The following LRRD1 variants were observed in gnomAD, a reference collection of about 807,000 sequenced individuals.
LRRD1 encodes leucine rich repeats and death domain containing 1.
LRRD1 carries 49 observed loss-of-function variants against 69.5 expected under a neutral mutation model. The observed-to-expected ratio is 0.70, with a 90% CI of 0.56 to 0.89. LRRD1 has a LOEUF of 0.89. Among genes scored for constraint, LRRD1 ranks in the 40% least tolerant of loss-of-function variants. The pLI is 0.00. For missense variants in LRRD1, 853 were observed against 956.0 expected (o/e 0.89, Z 1.42); for synonymous variants, 303 against 338.9 (o/e 0.89, Z 1.16).
chr7:92,163,657 C>G lies in LRRD1; in HGVS notation c.1546G>C (p.Glu516Gln), dbSNP rs1563192414. Residue 516 changes from glutamate (E) to glutamine (Q), a missense_variant, in exon 2 of 6, where the codon GAA becomes CAA. Physicochemically the swap from Glu to Gln is conservative, Grantham distance 29. Transcript: ENST00000458448. ...ISFSKQLLHL[E>Q]LSENKLLIFS... ...ATGAGGAGTTTGTTTTCACTCAATT[C>G]TAAATGAAGCAGTTGTTTACTGAAA... is the stretch of plus-strand genomic sequence containing the variant. 1 of 1,503,310 alleles carries G rather than the reference C, an allele frequency of 6.7e-7. No homozygotes were observed. Among genetic ancestry groups the G allele is most frequent in the Middle Eastern group, 1.7e-4 (1 of 5,754 alleles). 93.1% of individuals were successfully genotyped at this position (1,503,310 alleles called of 1,614,324 possible).
chr7:92,142,588 G>GA, downstream of LRRD1: 1 of 452,740 alleles, frequency 2.2e-6, no homozygotes, highest in South Asian at 1.6e-5. Context: ...CTTCAAGTAT[G>GA]AAGCCGACCC....
intron 2 of LRRD1, among the ~76,000 whole-genome samples, chr7:92,162,091 G>T (rs1403348121): frequency 6.6e-6 from 1 of 152,162 alleles, no homozygotes; most frequent in Non-Finnish European, 1.5e-5. Flanking sequence ...TATAAAAATT[G>T]TCTGTTAGTG....
intron 3 of LRRD1, among the ~76,000 whole-genome samples, chr7:92,155,809 G>T (rs1158183688): frequency 6.6e-6 from 1 of 152,202 alleles, no homozygotes; most frequent in African/African-American, 2.4e-5. Flanking sequence ...GCAAACCAGT[G>T]GTGTAAGTCC....
At chr7:92,167,909 T>A (rs111443977) in intron 1 of LRRD1, among the ~76,000 whole-genome samples, 3,225 of 70,442 alleles carry the variant, frequency 0.046, 84 homozygotes, top group African/African-American at 0.087. Context: ...AAAAAAAAAA[T>A]AAGTTATTCT....
intron 3 of LRRD1, among the ~76,000 whole-genome samples, chr7:92,153,017 T>C: frequency 6.6e-6 from 1 of 152,004 alleles, no homozygotes; most frequent in East Asian, 1.9e-4. Flanking sequence ...TTAATTTGCA[T>C]TTCTCTAATA....
At chr7:92,172,927 C>T (rs1789088045) in intron 1 of LRRD1, among the ~76,000 whole-genome samples, 1 of 152,116 alleles carries the variant, frequency 6.6e-6, no homozygotes, top group Admixed American at 6.5e-5. Flanking sequence ...AGGCATCATC[C>T]TTCCTGACTC....
In LRRD1 at chr7:92,144,881, C is replaced by T. The variant is rs1477656819; in HGVS notation, c.*7G>A. 1 of 1,445,148 alleles carries T rather than the reference C, an allele frequency of 6.9e-7. No individual in the cohort carries two copies. The highest frequency in any genetic ancestry group is 9.2e-7 in the Non-Finnish European group (1 of 1,083,718). 89.5% of individuals were successfully genotyped at this position (1,445,148 alleles called of 1,614,324 possible). A position where few individuals can be genotyped will look rare whatever the true frequency, so the allele number is the denominator to read the frequency against. ...AAAGTTTTCAGTTTTTATTATTGAT[C>T]CACTGGTTAGAATTTAATTGCACGC... On this transcript the variant is annotated 3_prime_UTR_variant, in exon 6 of 6. Coordinates refer to ENST00000458448, the MANE Select transcript of LRRD1 (RefSeq NM_001161528.2).
intron 1 of LRRD1, among the ~76,000 whole-genome samples, chr7:92,173,141 T>C (rs554475853): frequency 6.6e-6 from 1 of 152,166 alleles, no homozygotes; most frequent in Non-Finnish European, 1.5e-5. Context: ...TGGATAACCA[T>C]ATGCAGAGGA....
chr7:92,151,053 A>G (rs1055272866), intron 3 of LRRD1, among the ~76,000 whole-genome samples: 1 of 152,216 alleles, frequency 6.6e-6, no homozygotes, highest in African/African-American at 2.4e-5. Flanking sequence ...TGCATTCCTC[A>G]TCTAGCTTTA....
chr7:92,172,314 T>C (rs554722164), intron 1 of LRRD1, among the ~76,000 whole-genome samples: 1 of 152,264 alleles, frequency 6.6e-6, no homozygotes, highest in African/African-American at 2.4e-5. Flanking sequence ...ACCACTCTTA[T>C]TCAACATAAT....
intron 1 of LRRD1, among the ~76,000 whole-genome samples, chr7:92,166,457 A>G (rs1440130667): frequency 1.3e-5 from 2 of 152,236 alleles, no homozygotes; most frequent in African/African-American, 2.4e-5. Context: ...ACTAACCTCA[A>G]TGTCAACAAG....
At position 92,165,279 on chromosome 7, in the gene LRRD1, A is replaced by G; in HGVS notation, c.-74-3T>C. On this transcript the variant is annotated splice_polypyrimidine_tract_variant and splice_region_variant and intron_variant, in intron 1 of 5. Coordinates refer to ENST00000458448, the MANE Select transcript of LRRD1 (RefSeq NM_001161528.2). ...TTTTCATGTTTTTTCCTTTGAATCT[A>G]CAAAACAAATGTTGAAATTAAAAGA... 7 of 818,756 alleles carry G rather than the reference A, an allele frequency of 8.5e-6. No individual in the cohort carries two copies. The highest frequency in any genetic ancestry group is 1.2e-5 in the Non-Finnish European group (7 of 576,314). The allele number at this position is 818,756 out of a possible 1,614,324, so 50.7% of individuals were successfully genotyped here. A position where few individuals can be genotyped will look rare whatever the true frequency, so the allele number is the denominator to read the frequency against.
intron 2 of LRRD1, among the ~76,000 whole-genome samples, chr7:92,160,768 G>C (rs972616423): frequency 6.6e-6 from 1 of 152,084 alleles, no homozygotes; most frequent in African/African-American, 2.4e-5. Context: ...AGCTGAGATC[G>C]CACCACTGTC....
chr7:92,143,343 G>A (rs1366985801), downstream of LRRD1, among the ~76,000 whole-genome samples: 1 of 152,196 alleles, frequency 6.6e-6, no homozygotes, highest in African/African-American at 2.4e-5. Flanking sequence ...AGGTAGAGCT[G>A]CCTGTCAATC....
At chr7:92,168,069 T>C (rs1432610283) in intron 1 of LRRD1, among the ~76,000 whole-genome samples, 3 of 151,946 alleles carry the variant, frequency 2.0e-5, no homozygotes, top group Non-Finnish European at 4.4e-5. Context: ...GCCACGATTA[T>C]TACCAGCAAT....
At chr7:92,169,978 G>A (rs1189619822) in intron 1 of LRRD1, among the ~76,000 whole-genome samples, 1 of 151,976 alleles carries the variant, frequency 6.6e-6, no homozygotes, top group African/African-American at 2.4e-5. Flanking sequence ...GCTGAGGTGG[G>A]AGAATCACTT....
intron 1 of LRRD1, among the ~76,000 whole-genome samples, chr7:92,175,792 G>T (rs982152444): frequency 1.3e-5 from 2 of 152,218 alleles, no homozygotes; most frequent in Non-Finnish European, 2.9e-5. Flanking sequence ...ATGATTTTGT[G>T]TATGCTGTGA....
chr7:92,153,022 C>T (rs1278924408), intron 3 of LRRD1, among the ~76,000 whole-genome samples: 2 of 151,912 alleles, frequency 1.3e-5, no homozygotes, highest in African/African-American at 2.4e-5. Flanking sequence ...TTGCATTTCT[C>T]TAATATGACT....
At chr7:92,170,140 G>A (rs1465613837) in intron 1 of LRRD1, among the ~76,000 whole-genome samples, 1 of 148,650 alleles carries the variant, frequency 6.7e-6, no homozygotes, top group Non-Finnish European at 1.5e-5. Flanking sequence ...GAGGAAGGAA[G>A]GACGGAAGGA....
Sources: gnomAD v4.1 joint callset for allele counts (sites outside exome capture counted in the v4.1 genomes callset) on GRCh38, gnomAD v4.1.1 for gene constraint, MANE v1.5 for transcripts, NCBI Gene and HGNC (gene_info 2026-07-23, HGNC 2026-07-21) for gene names.